LRFN2: variants seen among roughly 807,000 people sequenced by gnomAD.
LRFN2 encodes the protein leucine rich repeat and fibronectin type III domain containing 2.
In LRFN2, 18 loss-of-function variants were observed where a neutral mutation model predicts 37.3. The observed-to-expected ratio is 0.48, with a 90% CI of 0.33 to 0.72. LRFN2 has a LOEUF of 0.72. LRFN2 is among the 30% of genes least tolerant of loss of function. LRFN2 has a pLI of 0.02. For synonymous variants in LRFN2, 556 were observed against 466.6 expected (o/e 1.19, Z -2.47); for missense variants, 1,006 against 1,060.7 (o/e 0.95, Z 0.72).
intron 1 of LRFN2, among the ~76,000 whole-genome samples, chr6:40,438,145 T>G (rs1349117150): frequency 6.6e-6 from 1 of 152,032 alleles, no homozygotes; most frequent in Non-Finnish European, 1.5e-5. Context: ...TGCACTGGGG[T>G]AAGGCAGGGT....
chr6:40,580,901 G>A (rs754039149), intron 1 of LRFN2, among the ~76,000 whole-genome samples: 6 of 152,172 alleles, frequency 3.9e-5, no homozygotes, highest in Non-Finnish European at 8.8e-5. Flanking sequence ...GTATGTGAAC[G>A]TATGTGTTAG....
chr6:40,444,902 A>AT (rs56080657), intron 1 of LRFN2, among the ~76,000 whole-genome samples: 45,383 of 148,738 alleles, frequency 0.31, 7,385 homozygotes, highest in Middle Eastern at 0.4. Flanking sequence ...CTTCTTCATG[A>AT]TTTTTTTTTT....
intron 1 of LRFN2, among the ~76,000 whole-genome samples, chr6:40,558,098 G>T (rs985745770): frequency 6.6e-6 from 1 of 152,222 alleles, no homozygotes; most frequent in Non-Finnish European, 1.5e-5. Flanking sequence ...GTGGAGAAGA[G>T]GAGGAGCCTT....
chr6:40,462,753 G>A (rs1458359190), intron 1 of LRFN2, among the ~76,000 whole-genome samples: 3 of 152,162 alleles, frequency 2.0e-5, no homozygotes, highest in African/African-American at 7.2e-5. Context: ...AAGGCTCACA[G>A]GAGGTACCCA....
intron 2 of LRFN2, among the ~76,000 whole-genome samples, chr6:40,399,680 C>T (rs537343116): frequency 2.6e-4 from 39 of 151,756 alleles, no homozygotes; most frequent in Non-Finnish European, 4.9e-4. Context: ...TCAGACCATC[C>T]GCCCGCCTTG....
chr6:40,469,645 T>C (rs1222295309), intron 1 of LRFN2, among the ~76,000 whole-genome samples: 1 of 152,118 alleles, frequency 6.6e-6, no homozygotes, highest in Non-Finnish European at 1.5e-5. Context: ...TCATAGGAGA[T>C]TGGAGGATGG....
chr6:40,526,782 G>A (rs1766263113), intron 1 of LRFN2, among the ~76,000 whole-genome samples: 1 of 152,102 alleles, frequency 6.6e-6, no homozygotes, highest in Non-Finnish European at 1.5e-5. Flanking sequence ...CAAGCCTCAG[G>A]AACCACCCTT....
intron 1 of LRFN2, among the ~76,000 whole-genome samples, chr6:40,533,528 A>G (rs1455735612): frequency 6.6e-6 from 1 of 152,080 alleles, no homozygotes; most frequent in Non-Finnish European, 1.5e-5. Flanking sequence ...AAAACCAAAA[A>G]AAAAGCTCTC....
At chr6:40,406,065 C>G (rs966150297) in intron 2 of LRFN2, among the ~76,000 whole-genome samples, 1 of 152,088 alleles carries the variant, frequency 6.6e-6, no homozygotes, top group Non-Finnish European at 1.5e-5. Flanking sequence ...GGGGATAAAG[C>G]CAGGAGGTGG....
Position 40,554,419 on chromosome 6 carries a change from G to C in LRFN2, c.-19+32522C>G, listed in dbSNP as rs568242124. ...GATGGATGGAGGGAAGGGTGGATGGGTGGATGGATGATGGGTGTAGGGGTG... is the reference window on the plus strand; with the variant it reads ...GATGGATGGAGGGAAGGGTGGATGGCTGGATGGATGATGGGTGTAGGGGTG... On this transcript the variant is annotated intron_variant, in intron 1 of 2. Transcript: ENST00000338305. Among the ~76,000 whole-genome samples the C allele has an allele frequency of 2.6e-5, 4 of 152,304 alleles. No homozygotes were observed. The East Asian group carries it at 5.8e-4, about 22-fold the overall frequency.
chr6:40,460,919 T>C (rs1438571803), intron 1 of LRFN2, among the ~76,000 whole-genome samples: 1 of 152,202 alleles, frequency 6.6e-6, no homozygotes, highest in Non-Finnish European at 1.5e-5. Flanking sequence ...CTCTTCCTTC[T>C]GGCCAGCTGA....
intron 2 of LRFN2, among the ~76,000 whole-genome samples, chr6:40,396,912 C>A (rs972935656): frequency 6.6e-6 from 1 of 152,132 alleles, no homozygotes; most frequent in Non-Finnish European, 1.5e-5. Flanking sequence ...AGTTTACACG[C>A]ATTATCTCAT....
At position 40,432,848 on chromosome 6, in the gene LRFN2, C is replaced by T. The variant is rs1208131201; in HGVS notation, c.266G>A (p.Ser89Asn). 1.2e-6 allele frequency: 2 copies of T among 1,614,100 alleles called. No individual in the cohort carries two copies. Among genetic ancestry groups the T allele is most frequent in the Admixed American group, 3.3e-5 (2 of 60,000 alleles). ...VDLTLSRNTISHIQPFSFLDL... is the reference protein window; with the variant it reads ...VDLTLSRNTINHIQPFSFLDL... Reference sequence around the variant, plus strand: ...CAGAAAGGAAAAGGGCTGGATGTGGCTGATGGTGTTCCTGGACAGGGTCAG... The same window carrying T: ...CAGAAAGGAAAAGGGCTGGATGTGGTTGATGGTGTTCCTGGACAGGGTCAG... The change falls in exon 2 of 3, where the codon AGC (serine) becomes AAC (asparagine). Residue 89 changes from serine (S) to asparagine (N), a missense_variant. Ser to Asn is a conservative substitution (Grantham distance 46). Around this residue, in one of 4 missense-constraint regions of LRFN2, gnomAD observed 185 missense variants for 254.9 expected, o/e 0.73. Coordinates refer to ENST00000338305, the MANE Select transcript of LRFN2 (RefSeq NM_020737.3).
At chr6:40,395,438 T>A (rs1762595729) in intron 2 of LRFN2, among the ~76,000 whole-genome samples, 5 of 152,226 alleles carry the variant, frequency 3.3e-5, no homozygotes, top group Admixed American at 2.6e-4. Flanking sequence ...GAGCCTGCTG[T>A]GACTCACGCT....
intron 2 of LRFN2, among the ~76,000 whole-genome samples, chr6:40,397,836 C>T (rs1221206968): frequency 1.3e-5 from 2 of 152,018 alleles, no homozygotes; most frequent in Non-Finnish European, 2.9e-5. Context: ...GCATGTAGGC[C>T]AGTGCTGCTT....
At chr6:40,427,270 A>G (rs1763375351) in intron 2 of LRFN2, among the ~76,000 whole-genome samples, 1 of 152,258 alleles carries the variant, frequency 6.6e-6, no homozygotes, top group Non-Finnish European at 1.5e-5. Context: ...ACATCAATTT[A>G]TTAATCAGTC....
At chr6:40,405,648 C>T (rs1252997422) in intron 2 of LRFN2, among the ~76,000 whole-genome samples, 1 of 152,162 alleles carries the variant, frequency 6.6e-6, no homozygotes, top group Non-Finnish European at 1.5e-5. Context: ...CTAGGAGACT[C>T]GGGCAGTGCC....
At chr6:40,581,589 C>T (rs867724247) in intron 1 of LRFN2, among the ~76,000 whole-genome samples, 26 of 152,214 alleles carry the variant, frequency 1.7e-4, no homozygotes, top group Admixed American at 1.1e-3. Flanking sequence ...ATAGTGACTT[C>T]ATTACAGGAA....
chr6:40,481,450 A>T (rs1411445957), intron 1 of LRFN2, among the ~76,000 whole-genome samples: 2 of 151,790 alleles, frequency 1.3e-5, no homozygotes, highest in African/African-American at 4.8e-5. Flanking sequence ...AAAAAAAAAA[A>T]AAAAAAAGAG....
Sources: allele counts gnomAD v4.1 joint callset (sites outside exome capture counted in the v4.1 genomes callset), GRCh38; gene constraint gnomAD v4.1.1; regional missense constraint gnomAD v4.1.1; transcripts MANE v1.5; gene names NCBI Gene and HGNC (gene_info 2026-07-23, HGNC 2026-07-21).